Variants in PHF14 observed in about 807,000 individuals in gnomAD.
PHF14 encodes PHD finger protein 14.
Under a neutral mutation model 117.9 loss-of-function variants are expected in PHF14, and 55 were observed. The observed-to-expected ratio is 0.47, with a 90% CI of 0.38 to 0.58. PHF14 has a LOEUF of 0.58. Ranked by LOEUF, PHF14 falls within the 20% of genes least tolerant of loss-of-function variation. The probability of loss-of-function intolerance (pLI) is 0.00; values close to 1 mark genes in which losing one functional copy is unlikely to be tolerated. For missense variants in PHF14, 978 were observed against 1,122.2 expected (o/e 0.87, Z 1.84); for synonymous variants, 409 against 368.6 (o/e 1.11, Z -1.26).
At chr7:11,164,644 T>A (rs1193460970) in intron 17 of PHF14, among the ~76,000 whole-genome samples, 1 of 152,236 alleles carries the variant, frequency 6.6e-6, no homozygotes, top group African/African-American at 2.4e-5. Context: ...TGAAATAATT[T>A]TAAATTTACA....
chr7:10,977,475 G>T (rs1480657074), intron 2 of PHF14, among the ~76,000 whole-genome samples: 1 of 151,894 alleles, frequency 6.6e-6, no homozygotes, highest in African/African-American at 2.4e-5. Flanking sequence ...AATAAATATA[G>T]AAAACATTTG....
intron 17 of PHF14, among the ~76,000 whole-genome samples, chr7:11,160,558 G>A (rs1056745921): frequency 2.0e-5 from 3 of 152,158 alleles, no homozygotes; most frequent in Admixed American, 6.5e-5. Flanking sequence ...TCCCAGCATC[G>A]TTGTTTTTTG....
chr7:11,036,691 C>A lies in PHF14; in HGVS notation c.1873+3C>A. ...AGATTTTGTGAATTATTATTTTGGT[C>A]AGTATAGACACTGGTACATGCACAT... On this transcript the variant is annotated splice_donor_region_variant and intron_variant, in intron 9 of 17. Coordinates refer to ENST00000634607, the MANE Select transcript of PHF14 (RefSeq NM_001007157.2). 2 of 1,611,836 alleles carry A rather than the reference C, an allele frequency of 1.2e-6. No individual in the cohort carries two copies. Among genetic ancestry groups the A allele is most frequent in the African/African-American group, 1.3e-5 (1 of 74,988 alleles).
chr7:11,008,355 A>C (rs28414411), intron 4 of PHF14, among the ~76,000 whole-genome samples: 4,745 of 152,232 alleles, frequency 0.031, 254 homozygotes, highest in African/African-American at 0.11. Flanking sequence ...GGGGTCCCCA[A>C]CCAGGTGGTA....
intron 2 of PHF14, among the ~76,000 whole-genome samples, chr7:10,977,199 C>A (rs1781897710): frequency 6.6e-6 from 1 of 151,826 alleles, no homozygotes; most frequent in African/African-American, 2.4e-5. Context: ...TTGTGGATTC[C>A]CAGCCCTACT....
chr7:11,137,411 AAAAGTT>A (rs1788252544), intron 17 of PHF14, among the ~76,000 whole-genome samples: 1 of 152,158 alleles, frequency 6.6e-6, no homozygotes, highest in Non-Finnish European at 1.5e-5. Context: ...CAAAGGTTTA[AAAAGTT>A]AAAGTTCACC....
chr7:11,104,195 T>A, intron 16 of PHF14: 4 of 982,656 alleles, frequency 4.1e-6, no homozygotes, highest in Non-Finnish European at 4.8e-6. Flanking sequence ...CCAATTATAA[T>A]ACTATATTAT....
At chr7:11,063,947 C>A (rs1435989067) in intron 16 of PHF14, among the ~76,000 whole-genome samples, 2 of 151,734 alleles carry the variant, frequency 1.3e-5, no homozygotes, top group South Asian at 4.1e-4. Flanking sequence ...TTTTATTACT[C>A]TAAAATAATG....
At position 10,974,160 on chromosome 7, in the gene PHF14, G is replaced by T. The variant is rs1781780419; in HGVS notation, c.-164G>T. 1.6e-6 allele frequency: 1 copy of T among 639,060 alleles called. No individual in the cohort carries two copies. The highest frequency in any genetic ancestry group is 1.7e-5 in the South Asian group (1 of 57,416). The allele number at this position is 639,060 out of a possible 1,614,324, so 39.6% of individuals were successfully genotyped here. A position where few individuals can be genotyped will look rare whatever the true frequency, so the allele number is the denominator to read the frequency against. On this transcript the variant is annotated 5_prime_UTR_variant, in exon 1 of 18. Transcript: ENST00000634607. ...CGGGGGGGCGGGGGGTTAGGGGACC[G>T]CGGGGCTACTCTTGGGAGCGCCCCT...
At chr7:11,102,423 A>G (rs549283914) in intron 16 of PHF14, 27 of 1,567,746 alleles carry the variant, frequency 1.7e-5, no homozygotes, top group South Asian at 6.9e-5. Context: ...TTCATAAGAC[A>G]TAGTGCAGAG....
At position 11,074,871 on chromosome 7, in the gene PHF14, C is replaced by T. The variant is rs374032573; in HGVS notation, c.2654+12786C>T. 2.3e-3 allele frequency among the ~76,000 whole-genome samples: 349 copies of T among 152,030 alleles called. 3 individuals are homozygous for T. The highest frequency in any genetic ancestry group is 8.0e-3 in the African/African-American group (333 of 41,446). ...CCTTGTCTTCCTGTCTTCTTCTCAG[C>T]CCTCTAAACTCTTCCAACCTCTGCC... is the stretch of plus-strand genomic sequence containing the variant. On this transcript the variant is annotated intron_variant, in intron 16 of 17. Coordinates refer to ENST00000634607, the MANE Select transcript of PHF14 (RefSeq NM_001007157.2).
intron 16 of PHF14, among the ~76,000 whole-genome samples, chr7:11,064,739 T>C (rs1785367101): frequency 6.6e-6 from 1 of 152,024 alleles, no homozygotes; most frequent in African/African-American, 2.4e-5. Flanking sequence ...TGTCAGTACA[T>C]TGTAATTAGT....
At position 10,974,312 on chromosome 7, in the gene PHF14, C is replaced by T; in HGVS notation, c.-12C>T. Reference sequence around the variant, plus strand: ...CTAAGTCTTCTCCAAACGACCACCTCACGGATTCCTTAGTAAGTGTATCCG... The same window carrying T: ...CTAAGTCTTCTCCAAACGACCACCTTACGGATTCCTTAGTAAGTGTATCCG... On this transcript the variant is annotated 5_prime_UTR_variant, in exon 1 of 18. Transcript: ENST00000634607. 1.9e-6 allele frequency: 3 copies of T among 1,590,412 alleles called. No homozygotes were observed. The highest frequency in any genetic ancestry group is 2.6e-6 in the Non-Finnish European group (3 of 1,167,780).
chr7:11,163,170 A>G (rs1253789081), intron 17 of PHF14, among the ~76,000 whole-genome samples: 2 of 152,200 alleles, frequency 1.3e-5, no homozygotes, highest in East Asian at 1.9e-4. Flanking sequence ...AAAGAGCTCT[A>G]TTCTACTTAA....
chr7:10,976,248 GT>G (rs532784553), intron 2 of PHF14, among the ~76,000 whole-genome samples: 1 of 152,062 alleles, frequency 6.6e-6, no homozygotes, highest in African/African-American at 2.4e-5. Context: ...TTGATTAACT[GT>G]TTTTTTATCC....
intron 16 of PHF14, among the ~76,000 whole-genome samples, chr7:11,073,785 T>A (rs1209780903): frequency 6.6e-6 from 1 of 152,184 alleles, no homozygotes; most frequent in African/African-American, 2.4e-5. Flanking sequence ...CTCTGAAACC[T>A]AGGTGGAGGC....
chr7:10,990,975 A>G, intron 4 of PHF14, 128 bp downstream of exon 4: 1 of 614,814 alleles, frequency 1.6e-6, no homozygotes, highest in Non-Finnish European at 2.7e-6. Flanking sequence ...CAAAGTATGG[A>G]TGCTATTTTT....
chr7:11,036,997 G>A lies in PHF14; in HGVS notation c.1886G>A (p.Arg629His), dbSNP rs1471554283. The change falls in exon 10 of 18, where the codon CGC becomes CAC. Residue 629 changes from arginine to histidine, a missense_variant. Arg to His is a conservative substitution (Grantham distance 29, BLOSUM62 0). Coordinates refer to ENST00000634607, the MANE Select transcript of PHF14 (RefSeq NM_001007157.2). ...TTCATTTAAATAGAGAGAAATATGC[G>A]CATGATTCAAATTCAGGAAAATATG... ...FVNYYFERNM[R>H]MIQIQENMAE... 1.3e-5 allele frequency: 20 copies of A among 1,500,590 alleles called. No individual in the cohort carries two copies. The highest frequency in any genetic ancestry group is 4.7e-5 in the East Asian group (2 of 42,430). The allele number at this position is 1,500,590 out of a possible 1,614,324, so 93.0% of individuals were successfully genotyped here.
At chr7:11,159,776 A>T (rs1379959160) in intron 17 of PHF14, among the ~76,000 whole-genome samples, 1 of 152,214 alleles carries the variant, frequency 6.6e-6, no homozygotes, top group Non-Finnish European at 1.5e-5. Flanking sequence ...AATTTTTGAA[A>T]GTACAGAAAA....
Sources: allele counts gnomAD v4.1 joint callset (sites outside exome capture counted in the v4.1 genomes callset), GRCh38; gene constraint gnomAD v4.1.1; transcripts MANE v1.5; gene names NCBI Gene and HGNC (gene_info 2026-07-23, HGNC 2026-07-21).